SPMIP6: variants seen among roughly 807,000 people sequenced by gnomAD.
The protein encoded by SPMIP6 is ciliated bronchial epithelial protein 1.
At chr9:34,397,148 T>A in the SPMIP6 span, among the ~76,000 whole-genome samples, 1 of 152,216 alleles carries the variant, frequency 6.6e-6, no homozygotes. Context: ...TATCTCATCT[T>A]TCCAGTCTCA....
chr9:34,397,559 G>C, the SPMIP6 span: 1 of 1,613,584 alleles, frequency 6.2e-7, no homozygotes, highest in Non-Finnish European at 8.5e-7. Flanking sequence ...AGACCTCCTT[G>C]ATGGAGGTGG....
chr9:34,380,978 C>T, the SPMIP6 span: 1 of 1,608,760 alleles, frequency 6.2e-7, no homozygotes, highest in Non-Finnish European at 8.5e-7. Context: ...GTCCATCCCG[C>T]GCAGACAGTA....
chr9:34,389,045 C>T, the SPMIP6 span, among the ~76,000 whole-genome samples: 1 of 150,516 alleles, frequency 6.6e-6, no homozygotes, highest in East Asian at 2.0e-4. Flanking sequence ...TATCCTCTTG[C>T]CTTAGCCTAC....
At chr9:34,397,502 A>G in the SPMIP6 span, 1 of 1,614,028 alleles carries the variant, frequency 6.2e-7, no homozygotes, top group South Asian at 1.1e-5. Flanking sequence ...CACTTACCGG[A>G]GTCAGAAACT....
At chr9:34,386,813 G>A in the SPMIP6 span, among the ~76,000 whole-genome samples, 21 of 152,112 alleles carry the variant, frequency 1.4e-4, no homozygotes, top group African/African-American at 4.6e-4. Context: ...GATCTGTGAC[G>A]CCTGGATCAG....
At chr9:34,394,668 T>G in the SPMIP6 span, among the ~76,000 whole-genome samples, 1 of 152,072 alleles carries the variant, frequency 6.6e-6, no homozygotes, top group African/African-American at 2.4e-5. Flanking sequence ...TATGTGTGTG[T>G]GGGGTGTGTG....
At chr9:34,379,676 G>T in the SPMIP6 span, 1 of 1,614,094 alleles carries the variant, frequency 6.2e-7, no homozygotes, top group Non-Finnish European at 8.5e-7. This position sits in a 1 kb window ranked among gnomAD's most constrained non-coding sequence, Gnocchi z 4.2. Context: ...GTATGACGGC[G>T]GGGGAGTTGT....
chr9:34,380,113 G>A, the SPMIP6 span, among the ~76,000 whole-genome samples: 1 of 152,162 alleles, frequency 6.6e-6, no homozygotes, highest in Admixed American at 6.5e-5. Flanking sequence ...ATGCCCTTGA[G>A]AGGGATAAGA....
At chr9:34,379,044 G>T in the SPMIP6 span, 2 of 1,295,592 alleles carry the variant, frequency 1.5e-6, no homozygotes, top group Non-Finnish European at 2.2e-6. This position sits in a 1 kb window ranked among gnomAD's most constrained non-coding sequence, Gnocchi z 4.2. Context: ...TTTATTTATT[G>T]CTCTGCCCCC....
the SPMIP6 span, chr9:34,379,259 C>A: frequency 2.3e-6 from 2 of 863,880 alleles, no homozygotes; most frequent in Non-Finnish European, 3.9e-6. This position sits in a 1 kb window ranked among gnomAD's most constrained non-coding sequence, Gnocchi z 4.2. Flanking sequence ...GCAATGCTAA[C>A]CTTATCCCTA....
chr9:34,381,278 C>T, the SPMIP6 span: 7 of 1,599,190 alleles, frequency 4.4e-6, no homozygotes, highest in East Asian at 2.2e-5. The surrounding 1 kb of genome is among the most constrained non-coding windows in gnomAD (Gnocchi z 4.4). Context: ...TCGGCCTCCT[C>T]CCCGTCCTTC....
chr9:34,388,893 T>C, the SPMIP6 span, among the ~76,000 whole-genome samples: 1 of 152,176 alleles, frequency 6.6e-6, no homozygotes, highest in South Asian at 2.1e-4. Context: ...ATCTTTTCTG[T>C]TTGTGGCTTC....
the SPMIP6 span, among the ~76,000 whole-genome samples, chr9:34,386,307 A>G: frequency 2.0e-5 from 3 of 152,192 alleles, no homozygotes; most frequent in Non-Finnish European, 4.4e-5. Flanking sequence ...TTTAAAATGT[A>G]ATTCCCGGCT....
the SPMIP6 span, chr9:34,385,911 C>A: frequency 4.5e-5 from 36 of 804,198 alleles, 1 homozygote; most frequent in African/African-American, 4.0e-4. Context: ...CTCCCCATGT[C>A]AGAGGGATTC....
the SPMIP6 span, among the ~76,000 whole-genome samples, chr9:34,393,811 T>C: frequency 6.6e-6 from 1 of 152,216 alleles, no homozygotes; most frequent in East Asian, 1.9e-4. Flanking sequence ...TTTTTCAGTC[T>C]ATTTTTCATT....
the SPMIP6 span, among the ~76,000 whole-genome samples, chr9:34,388,432 G>A: frequency 3.3e-5 from 5 of 152,022 alleles, no homozygotes; most frequent in African/African-American, 7.2e-5. Context: ...GATTACAGGC[G>A]TGAGCCACCT....
chr9:34,380,969 T>G, the SPMIP6 span: 1 of 1,607,530 alleles, frequency 6.2e-7, no homozygotes, highest in South Asian at 1.1e-5. Context: ...GGCGTAGTAG[T>G]CCATCCCGCG....
chr9:34,391,055 CTG>C, the SPMIP6 span, among the ~76,000 whole-genome samples: 19 of 152,276 alleles, frequency 1.2e-4, no homozygotes, highest in African/African-American at 3.1e-4. Flanking sequence ...AGGAATGTAA[CTG>C]TTTATCTATG....
the SPMIP6 span, chr9:34,381,457 C>A: frequency 1.9e-6 from 3 of 1,614,048 alleles, no homozygotes; most frequent in Non-Finnish European, 2.5e-6. This position sits in a 1 kb window ranked among gnomAD's most constrained non-coding sequence, Gnocchi z 4.4. Flanking sequence ...GGAAGCGGCA[C>A]ACATGCTACC....
Sources: allele counts gnomAD v4.1 joint callset (sites outside exome capture counted in the v4.1 genomes callset), GRCh38; gene constraint gnomAD v4.1.1; non-coding constraint Gnocchi (gnomAD v3.1); transcripts MANE v1.5; gene names NCBI Gene and HGNC (gene_info 2026-07-23, HGNC 2026-07-21).